Variants in SLC39A10 observed in about 807,000 individuals in gnomAD.
SLC39A10 encodes solute carrier family 39 member 10, also known as zinc transporter ZIP10.
A neutral mutation model predicts 65.1 loss-of-function variants in SLC39A10; 13 were observed. The ratio of observed to expected loss-of-function variants is 0.20; its 90% CI spans 0.13 to 0.32. The LOEUF is 0.32. Ranked by LOEUF, SLC39A10 falls within the 10% of genes least tolerant of loss-of-function variation. The pLI is 1.00. For synonymous variants in SLC39A10, 321 were observed against 342.2 expected (o/e 0.94, Z 0.68); for missense variants, 831 against 1,018.4 (o/e 0.82, Z 2.50).
chr2:195,686,743 G>A (rs191386210), intron 3 of SLC39A10, among the ~76,000 whole-genome samples: 141 of 152,260 alleles, frequency 9.3e-4, no homozygotes, highest in African/African-American at 3.1e-3. Context: ...CTGCTGCCAG[G>A]TAGCAGAGCC....
At chr2:195,619,224 T>C (rs1257970343) in intron 2 of SLC39A10, among the ~76,000 whole-genome samples, 4 of 148,836 alleles carry the variant, frequency 2.7e-5, no homozygotes, top group Non-Finnish European at 5.9e-5. Context: ...GGTAGTAGAG[T>C]AAAATAAAGG....
In SLC39A10 at chr2:195,617,803, A is replaced by C. The variant is rs546404055; in HGVS notation, c.-12+11570A>C. 1.4e-4 allele frequency among the ~76,000 whole-genome samples: 21 copies of C among 151,156 alleles called. No homozygotes were observed. The East Asian group carries it at 3.7e-3, about 27-fold the overall frequency. On this transcript the variant is annotated intron_variant, in intron 2 of 2. Transcript: ENST00000458054. ...CTACCAGGCTGGAGTGCAGTGGCAC[A>C]ATCTCGGCGGACTGCAAGCTCTGCC...
chr2:195,660,612 CGTAA>C (rs1689354364), intron 1 of SLC39A10, among the ~76,000 whole-genome samples: 2 of 152,068 alleles, frequency 1.3e-5, no homozygotes, highest in African/African-American at 4.8e-5. Flanking sequence ...ATAAGATGGA[CGTAA>C]GTGTTTTTGA....
intron 1 of SLC39A10, among the ~76,000 whole-genome samples, chr2:195,663,328 C>G (rs1342398859): frequency 6.6e-6 from 1 of 152,102 alleles, no homozygotes; most frequent in Non-Finnish European, 1.5e-5. Flanking sequence ...GAAGATGACT[C>G]CTTACATTAT....
intron 3 of SLC39A10, among the ~76,000 whole-genome samples, chr2:195,697,918 G>A (rs1374171586): frequency 2.0e-5 from 3 of 151,950 alleles, no homozygotes; most frequent in Admixed American, 2.0e-4. Context: ...CATTGTACAG[G>A]TCTTCTACCT....
chr2:195,654,192 G>A (rs1689101493), upstream of SLC39A10, among the ~76,000 whole-genome samples: 1 of 152,160 alleles, frequency 6.6e-6, no homozygotes, highest in Non-Finnish European at 1.5e-5. Flanking sequence ...GCCCACCTCA[G>A]CCTCCCGAAG....
At chr2:195,709,193 T>TTGTATGTATGTATGTA (rs59346406) in intron 5 of SLC39A10, among the ~76,000 whole-genome samples, 2 of 145,032 alleles carry the variant, frequency 1.4e-5, no homozygotes, top group East Asian at 2.1e-4. Context: ...CCCAGCTAAC[T>TTGTATGTATGTATGTA]TGTATGTATG....
chr2:195,618,635 T>A (rs1008888680), intron 2 of SLC39A10, among the ~76,000 whole-genome samples: 1 of 152,184 alleles, frequency 6.6e-6, no homozygotes, highest in Non-Finnish European at 1.5e-5. Context: ...TTAATAAAAA[T>A]AAACACATTT....
intron 3 of SLC39A10, among the ~76,000 whole-genome samples, chr2:195,698,478 G>A (rs961479536): frequency 1.3e-5 from 2 of 151,916 alleles, no homozygotes; most frequent in South Asian, 4.1e-4. Flanking sequence ...CTTTTATTAT[G>A]TAAGGTTGTT....
intron 1 of SLC39A10, chr2:195,658,543 T>C (rs917131515): frequency 2.6e-4 from 40 of 152,264 alleles, no homozygotes; most frequent in Non-Finnish European, 4.4e-4. Context: ...GTATTTGTTT[T>C]CTTTTTGGAT....
intron 9 of SLC39A10, among the ~76,000 whole-genome samples, chr2:195,734,654 G>A (rs932594726): frequency 1.3e-5 from 2 of 152,146 alleles, no homozygotes; most frequent in Non-Finnish European, 2.9e-5. Flanking sequence ...AGTGTTTGTT[G>A]TGGGGGATGA....
chr2:195,692,615 G>A (rs540127477), intron 3 of SLC39A10, among the ~76,000 whole-genome samples: 3 of 152,212 alleles, frequency 2.0e-5, no homozygotes, highest in African/African-American at 4.8e-5. Flanking sequence ...TGTAAAGGGC[G>A]TTGAGTTCTT....
At chr2:195,675,028 TTACTA>T (rs1690028688) in intron 1 of SLC39A10, among the ~76,000 whole-genome samples, 1 of 152,062 alleles carries the variant, frequency 6.6e-6, no homozygotes, top group African/African-American at 2.4e-5. Flanking sequence ...GCCTGGGACA[TTACTA>T]TACACTACTG....
chr2:195,654,565 C>T (rs1689109277), upstream of SLC39A10, among the ~76,000 whole-genome samples: 3 of 152,120 alleles, frequency 2.0e-5, no homozygotes, highest in South Asian at 6.2e-4. Flanking sequence ...GAAAGGTAAA[C>T]CATTTACACA....
chr2:195,711,319 A>G (rs1420090931), intron 5 of SLC39A10, among the ~76,000 whole-genome samples: 1 of 152,182 alleles, frequency 6.6e-6, no homozygotes, highest in Non-Finnish European at 1.5e-5. Flanking sequence ...TTTGAACCTA[A>G]GCTTACTGGT....
chr2:195,613,811 T>C (rs1056472531), intron 2 of SLC39A10, among the ~76,000 whole-genome samples: 2 of 152,200 alleles, frequency 1.3e-5, no homozygotes, highest in Non-Finnish European at 2.9e-5. Flanking sequence ...ATAAGGATTA[T>C]AGGAGCAAGA....
chr2:195,628,973 T>C (rs1262697724), intron 2 of SLC39A10, among the ~76,000 whole-genome samples: 1 of 152,208 alleles, frequency 6.6e-6, no homozygotes, highest in Non-Finnish European at 1.5e-5. Flanking sequence ...ATCTCAAACT[T>C]GAAATATCTC....
At chr2:195,643,182 A>G (rs142042006) in intron 2 of SLC39A10, among the ~76,000 whole-genome samples, 3,214 of 152,364 alleles carry the variant, frequency 0.021, 40 homozygotes, top group African/African-American at 0.026. Context: ...ATAGAGTACC[A>G]GTTGAAAGTG....
intron 5 of SLC39A10, among the ~76,000 whole-genome samples, chr2:195,712,212 G>A (rs1408676588): frequency 1.3e-5 from 2 of 152,270 alleles, no homozygotes; most frequent in Admixed American, 1.3e-4. Flanking sequence ...TCATAGGATA[G>A]TGGCTGGCTT....
Sources: gnomAD v4.1 joint callset for allele counts (sites outside exome capture counted in the v4.1 genomes callset) on GRCh38, gnomAD v4.1.1 for gene constraint, MANE v1.5 for transcripts, NCBI Gene and HGNC (gene_info 2026-07-23, HGNC 2026-07-21) for gene names.